The following RASGRF1 variants were observed in gnomAD, a reference collection of about 807,000 sequenced individuals.
RASGRF1 encodes the protein Ras protein specific guanine nucleotide releasing factor 1.
RASGRF1 carries 40 observed loss-of-function variants against 138.7 expected under a neutral mutation model. The observed-to-expected ratio is 0.29, with a 90% CI of 0.22 to 0.38. The LOEUF (loss-of-function observed/expected upper bound fraction) is 0.38, where lower values mean the gene tolerates loss of function less well. Among genes scored for constraint, RASGRF1 ranks in the 10% least tolerant of loss-of-function variants. The pLI is 1.00. For missense variants in RASGRF1, 1,108 were observed against 1,650.4 expected (o/e 0.67, Z 5.69); for synonymous variants, 614 against 663.2 (o/e 0.93, Z 1.14).
intron 10 of RASGRF1, among the ~76,000 whole-genome samples, chr15:79,023,912 CACACAG>C (rs961408398): frequency 6.6e-5 from 10 of 152,040 alleles, no homozygotes; most frequent in African/African-American, 2.2e-4. Flanking sequence ...ACACACACCA[CACACAG>C]ACACAGACAC....
intron 26 of RASGRF1, 60 bp downstream of exon 26, chr15:78,971,806 G>A: frequency 7.0e-7 from 1 of 1,433,354 alleles, no homozygotes; most frequent in South Asian, 1.1e-5. Flanking sequence ...CAGGGTGGAA[G>A]GTGGCCTAGA....
chr15:78,982,315 G>C (rs1435703853), intron 23 of RASGRF1, among the ~76,000 whole-genome samples: 1 of 152,144 alleles, frequency 6.6e-6, no homozygotes, highest in Non-Finnish European at 1.5e-5. Context: ...TGTGGCTCTG[G>C]GCTGGGCACG....
chr15:79,039,296 C>CAAAAA (rs71148587), intron 5 of RASGRF1, among the ~76,000 whole-genome samples: 4 of 50,402 alleles, frequency 7.9e-5, no homozygotes, highest in Non-Finnish European at 1.3e-4. Flanking sequence ...GACCCTGTCT[C>CAAAAA]AAAAAAAAAA....
In RASGRF1 at chr15:79,025,830, C is replaced by T. The variant is rs187100329; in HGVS notation, c.1382-356G>A. On this transcript the variant is annotated intron_variant, in intron 9 of 26. Transcript: ENST00000558480. ...CAAGTGGGGAGCTGGCTGCAGGCCC[C>T]GAGGGGTTAACAAGATACATTGCAC... is the stretch of plus-strand genomic sequence containing the variant. 2.6e-4 allele frequency among the ~76,000 whole-genome samples: 40 copies of T among 151,860 alleles called. No individual in the cohort carries two copies. In the East Asian group the frequency reaches 5.8e-3, roughly 22 times the overall value.
chr15:79,048,428 T>G (rs546614974), intron 4 of RASGRF1, among the ~76,000 whole-genome samples: 1 of 152,224 alleles, frequency 6.6e-6, no homozygotes, highest in Admixed American at 6.5e-5. Flanking sequence ...TGTAAATACT[T>G]AGCTGTGTGA....
Position 79,017,801 on chromosome 15 carries a change from T to C in RASGRF1, c.1712A>G (p.Glu571Gly), listed in dbSNP as rs1025657729. 1 of 1,612,190 alleles carries C rather than the reference T, an allele frequency of 6.2e-7. No homozygotes were observed. The highest frequency in any genetic ancestry group is 8.5e-7 in the Non-Finnish European group (1 of 1,179,420). ...TVILVASSRQEKAAWTSDISQ... is the reference protein window; with the variant it reads ...TVILVASSRQGKAAWTSDISQ... Reference sequence around the variant, plus strand: ...GATGTCACTGGTCCACGCTGCCTTCTCCTGTCTGGACGAGGCCACTAGGAT... The same window carrying C: ...GATGTCACTGGTCCACGCTGCCTTCCCCTGTCTGGACGAGGCCACTAGGAT... The change falls in exon 12 of 27, where the codon GAG becomes GGG. Residue 571 changes from glutamate (E) to glycine (G), a missense_variant. Glu to Gly is a moderately conservative substitution (Grantham distance 98, BLOSUM62 -2). This residue lies in a region of RASGRF1 where 686 missense variants were observed against 976.7 expected (regional missense o/e 0.70). Transcript: ENST00000558480.
intron 22 of RASGRF1, among the ~76,000 whole-genome samples, chr15:78,989,481 C>T (rs545321028): frequency 4.0e-5 from 6 of 151,424 alleles, no homozygotes; most frequent in East Asian, 3.9e-4. Flanking sequence ...ATTAAACATT[C>T]GCTCAGCACT....
rs369428308 is a variant in RASGRF1 at position 79,088,422 on chromosome 15, T to C, written c.276+1801A>G. On this transcript the variant is annotated intron_variant, in intron 1 of 26. Coordinates refer to ENST00000558480, the MANE Select transcript of RASGRF1 (RefSeq NM_001145648.3). ...AAGGTAGGTGTTATTATCTTCATTT[T>C]GTAGATTACAAAATGGAAACTCAGA... is the stretch of plus-strand genomic sequence containing the variant. Among the ~76,000 whole-genome samples the C allele has an allele frequency of 2.9e-4, 44 of 152,360 alleles. 1 individual carries two copies. The highest frequency in any genetic ancestry group is 1.2e-3 in the East Asian group (6 of 5,192).
At chr15:79,048,465 G>A (rs546005295) in intron 4 of RASGRF1, among the ~76,000 whole-genome samples, 19 of 152,308 alleles carry the variant, frequency 1.2e-4, no homozygotes, top group Non-Finnish European at 2.8e-4. Flanking sequence ...TTGCCTCTCT[G>A]TGTCTCAGCT....
In RASGRF1 at chr15:78,995,816, A is replaced by G. The variant is rs768447442; in HGVS notation, c.2967-16T>C. ...GGTCAGAGTCCTAGGCAGGAGCGAG[A>G]AGGCACGGTGAGCCCCACTTCACGT... is the stretch of plus-strand genomic sequence containing the variant. On this transcript the variant is annotated splice_polypyrimidine_tract_variant and intron_variant, in intron 19 of 26. Transcript: ENST00000558480. 18 of 1,613,832 alleles carry G rather than the reference A, an allele frequency of 1.1e-5. No homozygotes were observed. In the African/African-American group the frequency reaches 2.0e-4, roughly 18 times the overall value.
intron 10 of RASGRF1, among the ~76,000 whole-genome samples, chr15:79,021,238 A>G (rs2056956776): frequency 6.6e-6 from 1 of 152,216 alleles, no homozygotes; most frequent in Admixed American, 6.5e-5. Flanking sequence ...CTACATTTGG[A>G]GGTAATTTGT....
chr15:79,024,412 TATACACACACATGC>T (rs1428988358), intron 10 of RASGRF1, among the ~76,000 whole-genome samples: 2 of 150,000 alleles, frequency 1.3e-5, no homozygotes, highest in Non-Finnish European at 3.0e-5. Flanking sequence ...TACACAAATA[TATACACACACATGC>T]ATACACACAC....
intron 5 of RASGRF1, among the ~76,000 whole-genome samples, chr15:79,043,090 C>T (rs1290345461): frequency 1.3e-5 from 2 of 152,142 alleles, no homozygotes; most frequent in Non-Finnish European, 2.9e-5. Context: ...GAACCAGCCT[C>T]GTCAGACTTG....
chr15:79,089,791 C>A (rs1030138012), intron 1 of RASGRF1, among the ~76,000 whole-genome samples: 1 of 152,338 alleles, frequency 6.6e-6, no homozygotes, highest in African/African-American at 2.4e-5. Context: ...CATGCCTAAG[C>A]GCGGGGAATT....
At chr15:79,043,062 G>A (rs897921825) in intron 5 of RASGRF1, among the ~76,000 whole-genome samples, 2 of 152,164 alleles carry the variant, frequency 1.3e-5, no homozygotes, top group African/African-American at 4.8e-5. Flanking sequence ...TGAGAACAGG[G>A]ACCAGGGTAG....
intron 18 of RASGRF1, 148 bp from the exon 19 acceptor site, chr15:78,998,356 C>T (rs1186426478): frequency 8.4e-6 from 6 of 710,242 alleles, no homozygotes; most frequent in African/African-American, 5.4e-5. Context: ...GGCTTCCTGG[C>T]AGGGCATGAG....
intron 1 of RASGRF1, among the ~76,000 whole-genome samples, chr15:79,085,969 T>C (rs1285445264): frequency 6.6e-6 from 1 of 152,232 alleles, no homozygotes; most frequent in African/African-American, 2.4e-5. Context: ...AAGGAGCCGA[T>C]ATTCCCTTGT....
chr15:78,984,034 A>G (rs924237660), intron 23 of RASGRF1, among the ~76,000 whole-genome samples: 3 of 152,102 alleles, frequency 2.0e-5, no homozygotes, highest in African/African-American at 7.2e-5. Context: ...GATTATGGAC[A>G]TGTCGTCTGC....
intron 8 of RASGRF1, among the ~76,000 whole-genome samples, chr15:79,029,157 A>G (rs1413116187): frequency 6.6e-6 from 1 of 152,244 alleles, no homozygotes; most frequent in Non-Finnish European, 1.5e-5. Flanking sequence ...GCCCTTTAAT[A>G]AATGGACCAG....
Sources: allele counts gnomAD v4.1 joint callset (sites outside exome capture counted in the v4.1 genomes callset), GRCh38; gene constraint gnomAD v4.1.1; regional missense constraint gnomAD v4.1.1; transcripts MANE v1.5; gene names NCBI Gene and HGNC (gene_info 2026-07-23, HGNC 2026-07-21).